Variants in MARF1 observed in about 807,000 individuals in gnomAD.
MARF1 encodes meiosis regulator and mRNA stability factor 1.
Under a neutral mutation model 168.2 loss-of-function variants are expected in MARF1, and 24 were observed. That is an observed-to-expected ratio of 0.14 (90% confidence interval 0.10 to 0.20). The LOEUF (loss-of-function observed/expected upper bound fraction) is 0.20. MARF1 is among the 10% of genes least tolerant of loss of function. The pLI, the probability that MARF1 is intolerant of heterozygous loss-of-function variation, is 1.00. For synonymous variants in MARF1, 868 were observed against 822.4 expected, an observed-to-expected ratio of 1.06 and a Z score of -0.95; for missense variants, 1,744 against 2,143.6, an observed-to-expected ratio of 0.81 and a Z score of 3.68.
chr16:15,606,531 C>A (rs1385355069), intron 21 of MARF1, among the ~76,000 whole-genome samples: 2 of 152,120 alleles, frequency 1.3e-5, no homozygotes, highest in Non-Finnish European at 2.9e-5. Context: ...AAGTCCTGAG[C>A]CCTGCCTCTC....
chr16:15,639,498 T>G (rs1222642930), intron 1 of MARF1, among the ~76,000 whole-genome samples: 1 of 152,174 alleles, frequency 6.6e-6, no homozygotes, highest in Non-Finnish European at 1.5e-5. Context: ...TCTCCCGGGT[T>G]CAAGCGATTT....
At chr16:15,597,663 A>G (rs180940602) in intron 26 of MARF1, among the ~76,000 whole-genome samples, 6 of 152,356 alleles carry the variant, frequency 3.9e-5, no homozygotes, top group Admixed American at 2.0e-4. Flanking sequence ...GGGACAGCAG[A>G]GCCAGCTCCC....
chr16:15,627,021 A>AAGAGAGAG (rs61380767), intron 7 of MARF1, among the ~76,000 whole-genome samples: 3 of 150,026 alleles, frequency 2.0e-5, no homozygotes, highest in South Asian at 4.2e-4. Flanking sequence ...AAAGAAAGAA[A>AAGAGAGAG]AGAGAGAGAG....
chr16:15,599,668 T>C (rs2032202630), intron 25 of MARF1, among the ~76,000 whole-genome samples: 1 of 152,112 alleles, frequency 6.6e-6, no homozygotes, highest in South Asian at 2.1e-4. Flanking sequence ...TCAGAAAAGT[T>C]AGAACTGCTA....
chr16:15,618,711 T>G (rs2034243803), intron 13 of MARF1, among the ~76,000 whole-genome samples: 1 of 152,098 alleles, frequency 6.6e-6, no homozygotes, highest in African/African-American at 2.4e-5. Context: ...CCAATCGTCT[T>G]AAAGGCAAAT....
intron 20 of MARF1, 83 bp from the exon 21 acceptor site, chr16:15,608,601 T>A: frequency 1.0e-6 from 1 of 988,676 alleles, no homozygotes; most frequent in Non-Finnish European, 1.5e-6. Flanking sequence ...ATGCAGCTAG[T>A]AATGAAAAAA....
rs71375043 is a variant in MARF1, at chr16:15,608,532, C to CG, written c.3955-15dup. ...ACATTCCAATACCTTTGAAAACACA[C>CG]GGGGGGAGGAAAGGGAAAATAAACA... On this transcript the variant is annotated splice_polypyrimidine_tract_variant and intron_variant, in intron 20 of 26. Transcript: ENST00000396368. 3.2e-6 allele frequency: 5 copies of CG among 1,575,678 alleles called. No homozygotes were observed. Among genetic ancestry groups the CG allele is most frequent in the East Asian group, 4.5e-5 (2 of 44,568 alleles).
rs2035407725 is a variant in MARF1, at chr16:15,633,828, G to C, written c.1022C>G (p.Ala341Gly). The change falls in exon 5 of 27, where the codon GCA (alanine) becomes GGA (glycine). Residue 341 changes from alanine (A) to glycine (G), a missense_variant. Around this residue, in one of 7 missense-constraint regions of MARF1, gnomAD observed 217 missense variants for 372.4 expected, o/e 0.58. Transcript: ENST00000396368. ...GTTTTCTAGCACCTGTCCAGCTACT[G>C]CAACTTCTGGTGACCCTTAAGAAAT... is the stretch of plus-strand genomic sequence containing the variant. The part of the protein sequence containing the change: ...AASKFGSPEV[A>G]VAGQVLENLP... The C allele has an allele frequency of 1.2e-6, 2 of 1,610,534 alleles. No homozygotes were observed. Among genetic ancestry groups the C allele is most frequent in the African/African-American group, 1.3e-5 (1 of 74,702 alleles).
intron 13 of MARF1, among the ~76,000 whole-genome samples, chr16:15,620,035 C>T (rs2034340952): frequency 6.6e-6 from 1 of 152,068 alleles, no homozygotes; most frequent in African/African-American, 2.4e-5. Context: ...CTTGGTGGCA[C>T]ATGCCTGTAG....
In MARF1 at chr16:15,617,425, C is replaced by T. The variant is rs781029788; in HGVS notation, c.2831G>A (p.Arg944His). ...CTGGGAAGACCCCAAGGGGCTCTGGCGGGCCTGACTGCTGGGTAGGAGACA... is the reference window on the plus strand; with the variant it reads ...CTGGGAAGACCCCAAGGGGCTCTGGTGGGCCTGACTGCTGGGTAGGAGACA... ...LVCLLPSSQARQSPLGSSQSH... is the reference protein window; with the variant it reads ...LVCLLPSSQAHQSPLGSSQSH... Residue 944 changes from arginine (R) to histidine (H), a missense_variant, in exon 14 of 27, where the codon CGC becomes CAC. Coordinates refer to ENST00000396368, the MANE Select transcript of MARF1 (RefSeq NM_014647.4). 12 of 1,614,034 alleles carry T rather than the reference C, an allele frequency of 7.4e-6. No individual in the cohort carries two copies. The highest frequency in any genetic ancestry group is 1.0e-5 in the Non-Finnish European group (12 of 1,179,990).
At chr16:15,633,033 G>T (rs1183760512) in intron 5 of MARF1, among the ~76,000 whole-genome samples, 1 of 151,944 alleles carries the variant, frequency 6.6e-6, no homozygotes, top group Non-Finnish European at 1.5e-5. Context: ...ATATAAATTA[G>T]GGAGCATAAC....
At position 15,625,725 on chromosome 16, in the gene MARF1, G is replaced by A. The variant is rs774267465; in HGVS notation, c.1600C>T (p.Arg534Cys). ...DGKSVSNRLRRLSDNCGGKVL... is the reference protein window; with the variant it reads ...DGKSVSNRLRCLSDNCGGKVL... Reference sequence around the variant, plus strand: ...TTCCCACCACAATTATCGGACAGGCGTCTGAGCCTGTTGCTGACGCTCTTG... The same window carrying A: ...TTCCCACCACAATTATCGGACAGGCATCTGAGCCTGTTGCTGACGCTCTTG... Residue 534 changes from arginine to cysteine, a missense_variant, in exon 8 of 27, where the codon CGC becomes TGC. Physicochemically the swap from Arg to Cys is radical, Grantham distance 180. This residue lies in a region of MARF1 where 217 missense variants were observed against 372.4 expected (regional missense o/e 0.58). Transcript: ENST00000396368. The A allele has an allele frequency of 3.1e-6, 5 of 1,613,994 alleles. No homozygotes were observed. The highest frequency in any genetic ancestry group is 1.1e-5 in the South Asian group (1 of 91,076).
At chr16:15,625,881 TC>T in intron 7 of MARF1, 81 bp from the exon 8 acceptor site, 1 of 1,127,890 alleles carries the variant, frequency 8.9e-7, no homozygotes, top group Non-Finnish European at 1.3e-6. Context: ...ATGGGTGACC[TC>T]CAAACTTCAG....
Position 15,635,684 on chromosome 16 carries a change from G to A in MARF1, c.803C>T (p.Ser268Leu). 6.2e-7 allele frequency: 1 copy of A among 1,613,966 alleles called. No individual in the cohort carries two copies. Among genetic ancestry groups the A allele is most frequent in the Non-Finnish European group, 8.5e-7 (1 of 1,180,012 alleles). ...GTTTAGACAGTCTTCGCAGTAAAGT[G>A]AGCCCTTTAAACAAACCGGAGGTAC... Reference protein sequence around the residue: ...NVVPPVCLKGSLYCEDCLNKP... With the variant: ...NVVPPVCLKGLLYCEDCLNKP... The change falls in exon 3 of 27, where the codon TCA becomes TTA. Residue 268 changes from serine (S) to leucine (L), a missense_variant. This residue lies in a region of MARF1 where 318 missense variants were observed against 336.6 expected (regional missense o/e 0.94). Coordinates refer to ENST00000396368, the MANE Select transcript of MARF1 (RefSeq NM_014647.4).
At chr16:15,621,116 C>A (rs2034428025) in intron 12 of MARF1, among the ~76,000 whole-genome samples, 1 of 150,908 alleles carries the variant, frequency 6.6e-6, no homozygotes, top group African/African-American at 2.5e-5. Flanking sequence ...AAAAAAAAAA[C>A]CCGTAACTCG....
chr16:15,611,712 C>G lies in MARF1; in HGVS notation c.3497G>C (p.Arg1166Pro), dbSNP rs750466646. The change falls in exon 18 of 27, where the codon CGT becomes CCT. Residue 1166 changes from arginine (R) to proline (P), a missense_variant. Physicochemically the swap from Arg to Pro is moderately radical, Grantham distance 103. Transcript: ENST00000396368. ...GGCCCTGTGGGTAAGGGTCAGCAGA[C>G]GTTTGGAGCCCATTCCAAGAATCTG... ...VLQILGMGSK[R>P]LLTLTHRAQV... 20 of 1,613,856 alleles carry G rather than the reference C, an allele frequency of 1.2e-5. No individual in the cohort carries two copies. Among genetic ancestry groups the G allele is most frequent in the East Asian group, 2.2e-5 (1 of 44,874 alleles).
chr16:15,602,619 G>A, intron 22 of MARF1: 1 of 119,686 alleles, frequency 8.4e-6, no homozygotes, highest in South Asian at 4.4e-5. Flanking sequence ...AAAGGAGGAG[G>A]AGGAAGGAAA....
At chr16:15,621,420 G>A (rs1024597657) in intron 12 of MARF1, 2 of 329,768 alleles carry the variant, frequency 6.1e-6, no homozygotes, top group Admixed American at 4.6e-5. Context: ...AGATCTCAAG[G>A]TAATATTTTA....
chr16:15,634,963 T>C lies in MARF1; in HGVS notation c.832-32A>G, dbSNP rs773774688. Reference sequence around the variant, plus strand: ...TAAATTTTTTTTAAAAAGGAGGAGGTGTCAGATACATCATTTCAGAAGCTG... The same window carrying C: ...TAAATTTTTTTTAAAAAGGAGGAGGCGTCAGATACATCATTTCAGAAGCTG... On this transcript the variant is annotated intron_variant, in intron 3 of 26. Transcript: ENST00000396368. The C allele has an allele frequency of 3.5e-5, 55 of 1,592,668 alleles. No homozygotes were observed. The East Asian group carries it at 6.0e-4, about 17-fold the overall frequency.
Sources: allele counts gnomAD v4.1 joint callset (sites outside exome capture counted in the v4.1 genomes callset), GRCh38; gene constraint gnomAD v4.1.1; regional missense constraint gnomAD v4.1.1; transcripts MANE v1.5; gene names NCBI Gene and HGNC (gene_info 2026-07-23, HGNC 2026-07-21).